The following ANKRD12 variants were observed in gnomAD, a reference collection of about 807,000 sequenced individuals.
The protein encoded by ANKRD12 is ankyrin repeat domain 12, also known as ankyrin repeat domain-containing protein 12.
In ANKRD12, 85 loss-of-function variants were observed where a neutral mutation model predicts 183.4. The ratio of observed to expected loss-of-function variants is 0.46; its 90% CI spans 0.39 to 0.56. The LOEUF is 0.56. ANKRD12 is among the 20% of genes least tolerant of loss of function. The pLI is 0.00. For missense variants in ANKRD12, 2,405 were observed against 2,357.1 expected, an observed-to-expected ratio of 1.02 and a Z score of -0.42; for synonymous variants, 914 against 800.2, an observed-to-expected ratio of 1.14 and a Z score of -2.40.
chr18:9,143,296 T>C (rs2078382518), intron 1 of ANKRD12, among the ~76,000 whole-genome samples: 1 of 152,234 alleles, frequency 6.6e-6, no homozygotes, highest in Admixed American at 6.5e-5. Context: ...GTTATAAAAA[T>C]GTTAAGTCTG....
rs151181932 is a variant in ANKRD12, at chr18:9,172,702, T to G, written c.-51-9680T>G. 1.9e-4 allele frequency among the ~76,000 whole-genome samples: 29 copies of G among 152,294 alleles called. No individual in the cohort carries two copies. In the East Asian group the frequency reaches 5.2e-3, roughly 27 times the overall value. On this transcript the variant is annotated intron_variant, in intron 1 of 12. Transcript: ENST00000262126. ...CAGCCAAGTTCATTATCACCCACCT[T>G]CTGAAGCCTACTTCTATCAGTTCAG...
intron 2 of ANKRD12, among the ~76,000 whole-genome samples, chr18:9,183,481 A>G (rs1192326712): frequency 6.6e-6 from 1 of 152,176 alleles, no homozygotes. Context: ...ATTTGTAAGT[A>G]TCTTATTCTC....
In ANKRD12 at chr18:9,195,652, T is replaced by G. The variant is rs1305471014; in HGVS notation, c.189T>G (p.Pro63=). ...KEKSSMKRKL[P]FTISPSRNEE... is the part of the protein sequence containing the mutation. ...AATCATCCATGAAACGTAAACTTCC[T>G]TTTACTATTAGCCCATCAAGAAATG... Residue 63 remains proline (P), a synonymous_variant, in exon 3 of 13, where the codon CCT becomes CCG. Coordinates refer to ENST00000262126, the MANE Select transcript of ANKRD12 (RefSeq NM_015208.5). 3 of 1,612,610 alleles carry G rather than the reference T, an allele frequency of 1.9e-6. No homozygotes were observed. The African/African-American group carries it at 4.0e-5, about 22-fold the overall frequency.
At chr18:9,261,043 A>T (rs2038935694) in intron 9 of ANKRD12, among the ~76,000 whole-genome samples, 1 of 151,914 alleles carries the variant, frequency 6.6e-6, no homozygotes, top group Non-Finnish European at 1.5e-5. Flanking sequence ...CTTCTTGTTT[A>T]TGTTTATTGG....
chr18:9,273,541 G>T lies in ANKRD12; in HGVS notation c.5764-1983G>T, dbSNP rs370952197. Among the ~76,000 whole-genome samples the T allele has an allele frequency of 3.9e-5, 6 of 152,344 alleles. No homozygotes were observed. The East Asian group carries it at 1.2e-3, about 29-fold the overall frequency. On this transcript the variant is annotated intron_variant, in intron 10 of 12. Coordinates refer to ENST00000262126, the MANE Select transcript of ANKRD12 (RefSeq NM_015208.5). ...ACCCTCCCATTGCTGATAGGAATGT[G>T]AAATGATACGGCTACTATGGAACAG...
intron 8 of ANKRD12, among the ~76,000 whole-genome samples, chr18:9,232,726 C>T (rs907313744): frequency 6.6e-6 from 1 of 152,102 alleles, no homozygotes; most frequent in Non-Finnish European, 1.5e-5. Flanking sequence ...CTCATCTCAC[C>T]TTTGGGGATA....
rs1350532357 is a variant in ANKRD12, at chr18:9,258,647, C to A, written c.5380C>A (p.Gln1794Lys). Residue 1794 changes from glutamine to lysine, a missense_variant, in exon 9 of 13, where the codon CAG (glutamine) becomes AAG (lysine). Physicochemically the swap from Gln to Lys is moderately conservative, Grantham distance 53. Around this residue, in one of 7 missense-constraint regions of ANKRD12, gnomAD observed 1,983 missense variants for 1,725.9 expected, o/e 1.15. Transcript: ENST00000262126. Reference sequence around the variant, plus strand: ...GAAAAGGAAAGTGTCACGTGTACCTCAGCCTGTGCAAGTGAGTCCCTCTTT... The same window carrying A: ...GAAAAGGAAAGTGTCACGTGTACCTAAGCCTGTGCAAGTGAGTCCCTCTTT... The part of the protein sequence containing the change: ...PRKRKVSRVP[Q>K]PVQVSPSLLQ... The A allele has an allele frequency of 6.2e-7, 1 of 1,613,930 alleles. No homozygotes were observed.
chr18:9,146,536 T>A (rs1013470926), intron 1 of ANKRD12, among the ~76,000 whole-genome samples: 1 of 152,196 alleles, frequency 6.6e-6, no homozygotes. Flanking sequence ...AAAAAAAAAT[T>A]AAAAACCAAC....
chr18:9,167,225 TTAAAGTAGTTTTTTCCA>T (rs576645077), intron 1 of ANKRD12, among the ~76,000 whole-genome samples: 2,027 of 152,280 alleles, frequency 0.013, 48 homozygotes, highest in African/African-American at 0.047. Flanking sequence ...CATATGAACT[TTAAAGTAGTTTTTTCCA>T]ATTCTGTGAA....
At chr18:9,261,920 A>G (rs2038991013) in intron 9 of ANKRD12, among the ~76,000 whole-genome samples, 1 of 152,204 alleles carries the variant, frequency 6.6e-6, no homozygotes, top group Non-Finnish European at 1.5e-5. Context: ...AGAGGCCTAT[A>G]TGGTTTTCCA....
intron 6 of ANKRD12, among the ~76,000 whole-genome samples, chr18:9,213,985 A>G (rs2035950535): frequency 6.6e-6 from 1 of 152,030 alleles, no homozygotes; most frequent in Non-Finnish European, 1.5e-5. Flanking sequence ...AAGCTTAAAT[A>G]TTTAATACTT....
intron 6 of ANKRD12, among the ~76,000 whole-genome samples, chr18:9,212,837 C>G (rs183717882): frequency 8.6e-5 from 13 of 151,936 alleles, no homozygotes; most frequent in African/African-American, 3.1e-4. Context: ...TTTTCATGAT[C>G]AGTAGTGATG....
chr18:9,255,379 T>C lies in ANKRD12; in HGVS notation c.2112T>C (p.Asp704=), dbSNP rs370202904. 1.2e-5 allele frequency: 20 copies of C among 1,605,000 alleles called. No individual in the cohort carries two copies. The African/African-American group carries it at 1.9e-4, about 15-fold the overall frequency. ...GGAAAGAGAATTTTTTTAAAAGTGA[T>C]GAAACTGAAGATCTCTTTTTAAATA... ...EFWKENFFKS[D]ETEDLFLNME... The change falls in exon 9 of 13, where the codon GAT becomes GAC. Residue 704 remains aspartate, a synonymous_variant. Transcript: ENST00000262126.
chr18:9,192,768 A>G (rs1447164092), intron 2 of ANKRD12, among the ~76,000 whole-genome samples: 3 of 150,714 alleles, frequency 2.0e-5, no homozygotes, highest in Middle Eastern at 3.2e-3. Context: ...ATGCAGTGGC[A>G]TGATTATAGG....
At chr18:9,248,831 G>C (rs1009241119) in intron 8 of ANKRD12, among the ~76,000 whole-genome samples, 19 of 152,214 alleles carry the variant, frequency 1.2e-4, no homozygotes, top group African/African-American at 4.3e-4. Context: ...ATGGCAGTTA[G>C]TATGGGAAGT....
chr18:9,203,416 A>G (rs1360777746), intron 3 of ANKRD12, among the ~76,000 whole-genome samples: 2 of 152,172 alleles, frequency 1.3e-5, no homozygotes, highest in African/African-American at 4.8e-5. Flanking sequence ...AAAAAGTTTG[A>G]CAGTTAAGGA....
At chr18:9,275,800 C>T in intron 11 of ANKRD12, 133 bp downstream of exon 11, 1 of 834,128 alleles carries the variant, frequency 1.2e-6, no homozygotes, top group East Asian at 2.8e-5. Flanking sequence ...AAAACTCTTT[C>T]AAGCCAGAGT....
At chr18:9,245,705 T>TA (rs1431451027) in intron 8 of ANKRD12, among the ~76,000 whole-genome samples, 1 of 152,304 alleles carries the variant, frequency 6.6e-6, no homozygotes, top group South Asian at 2.1e-4. Flanking sequence ...CATAAACACT[T>TA]ATGTAAATCA....
In ANKRD12 at chr18:9,204,459, C is replaced by T. The variant is rs775654324; in HGVS notation, c.236-17C>T. ...CGTGTGCTTTTTTCTCTTCTCCTGTCTCTTCTCATTCTGTAGATTCAGATC... is the reference window on the plus strand; with the variant it reads ...CGTGTGCTTTTTTCTCTTCTCCTGTTTCTTCTCATTCTGTAGATTCAGATC... On this transcript the variant is annotated splice_polypyrimidine_tract_variant and intron_variant, in intron 3 of 12. Coordinates refer to ENST00000262126, the MANE Select transcript of ANKRD12 (RefSeq NM_015208.5). The T allele has an allele frequency of 6.3e-7, 1 of 1,576,780 alleles. No homozygotes were observed. The highest frequency in any genetic ancestry group is 8.7e-7 in the Non-Finnish European group (1 of 1,152,256).
Sources: gnomAD v4.1 joint callset for allele counts (sites outside exome capture counted in the v4.1 genomes callset) on GRCh38, gnomAD v4.1.1 for gene constraint, gnomAD v4.1.1 regional missense constraint, MANE v1.5 for transcripts, NCBI Gene and HGNC (gene_info 2026-07-23, HGNC 2026-07-21) for gene names.